The following CAMTA1 variants were observed in gnomAD, a reference collection of about 807,000 sequenced individuals.
CAMTA1 encodes the protein calmodulin binding transcription activator 1.
A neutral mutation model predicts 170.9 loss-of-function variants in CAMTA1; 27 were observed. That is an observed-to-expected ratio of 0.16 (90% CI 0.12 to 0.22). The LOEUF (loss-of-function observed/expected upper bound fraction) is 0.22. Ranked by LOEUF, CAMTA1 falls within the 10% of genes least tolerant of loss-of-function variation. The pLI, the probability that CAMTA1 is intolerant of heterozygous loss-of-function variation, is 1.00. For synonymous variants in CAMTA1, 833 were observed against 891.5 expected (o/e 0.93, Z 1.17); for missense variants, 1,619 against 2,217.2 (o/e 0.73, Z 5.42).
chr1:7,166,485 G>C (rs1425453412), intron 4 of CAMTA1, among the ~76,000 whole-genome samples: 2 of 152,188 alleles, frequency 1.3e-5, no homozygotes, highest in Non-Finnish European at 2.9e-5. Flanking sequence ...AACTACAAGT[G>C]GAGTGTGTGA....
intron 6 of CAMTA1, among the ~76,000 whole-genome samples, chr1:7,495,083 G>A (rs897065528): frequency 6.6e-6 from 1 of 152,118 alleles, no homozygotes; most frequent in Non-Finnish European, 1.5e-5. Flanking sequence ...TGCCCCCGTC[G>A]TTTAAATCCT....
intron 5 of CAMTA1, among the ~76,000 whole-genome samples, chr1:7,434,139 CTT>C (rs925323748): frequency 6.6e-6 from 1 of 152,158 alleles, no homozygotes; most frequent in African/African-American, 2.4e-5. Flanking sequence ...AGCTCTCTCT[CTT>C]TTACTTTCCA....
chr1:7,111,910 A>AAC lies in CAMTA1; in HGVS notation c.302+20540_302+20541insCA, dbSNP rs1440644564. ...CAAAAAAAAAAAAAAAAAAAAAAAAAAACCGAAGACTGAACTCCCAGGGCT... is the reference window on the plus strand; with the variant it reads ...CAAAAAAAAAAAAAAAAAAAAAAAAAACAACCGAAGACTGAACTCCCAGGGCT... On this transcript the variant is annotated intron_variant, in intron 4 of 22. Coordinates refer to ENST00000303635, the MANE Select transcript of CAMTA1 (RefSeq NM_015215.4). Among the ~76,000 whole-genome samples, 81 of 151,398 alleles carry AAC rather than the reference A, an allele frequency of 5.4e-4. 2 individuals carry two copies. The highest frequency in any genetic ancestry group is 1.9e-3 in the African/African-American group (80 of 41,124).
At chr1:7,536,732 G>A (rs968422608) in intron 6 of CAMTA1, among the ~76,000 whole-genome samples, 1 of 152,284 alleles carries the variant, frequency 6.6e-6, no homozygotes, top group Non-Finnish European at 1.5e-5. Flanking sequence ...CAGGCGCGAC[G>A]CTCATTTAAA....
intron 3 of CAMTA1, among the ~76,000 whole-genome samples, chr1:6,863,247 C>T (rs879741816): frequency 2.0e-5 from 3 of 152,118 alleles, no homozygotes; most frequent in Admixed American, 6.6e-5. Context: ...CTGTAGTCAC[C>T]GTGCTGTACA....
At chr1:7,574,170 G>C (rs1038361281) in intron 6 of CAMTA1, among the ~76,000 whole-genome samples, 1 of 124,146 alleles carries the variant, frequency 8.1e-6, no homozygotes, top group South Asian at 2.3e-4. Context: ...CATGTGGGCC[G>C]TGCAGGGAGT....
intron 11 of CAMTA1, among the ~76,000 whole-genome samples, chr1:7,705,641 G>A (rs1183290211): frequency 3.3e-5 from 5 of 152,032 alleles, no homozygotes; most frequent in Non-Finnish European, 7.4e-5. Flanking sequence ...TCCTTCCCGC[G>A]GCGGGGCCCG....
intron 3 of CAMTA1, among the ~76,000 whole-genome samples, chr1:7,035,400 CAAA>C (rs34384173): frequency 0.016 from 2,187 of 140,004 alleles, 63 homozygotes; most frequent in African/African-American, 0.053. Flanking sequence ...AACTCGGTCT[CAAA>C]AAAAAAAAAA....
intron 3 of CAMTA1, among the ~76,000 whole-genome samples, chr1:6,888,629 A>G (rs1337077652): frequency 6.6e-6 from 1 of 152,256 alleles, no homozygotes; most frequent in Admixed American, 6.5e-5. Context: ...AATATTTTCT[A>G]GATCAAGTAG....
intron 4 of CAMTA1, among the ~76,000 whole-genome samples, chr1:7,170,335 A>C (rs942165123): frequency 4.7e-5 from 7 of 149,120 alleles, no homozygotes; most frequent in African/African-American, 1.5e-4. Flanking sequence ...TCTGGGATTC[A>C]TGTGCAGAAT....
Position 7,018,121 on chromosome 1 carries a change from G to A in CAMTA1, c.235-73183G>A, listed in dbSNP as rs558144917. The stretch of plus-strand genomic sequence containing the variant: ...TGGGACCACAGGTGTGCGGCACCAC[G>A]CCTGGCTAATGCCAGGGCTTTTTAA... On this transcript the variant is annotated intron_variant, in intron 3 of 22. Transcript: ENST00000303635. Among the ~76,000 whole-genome samples, 5 of 91,734 alleles carry A rather than the reference G, an allele frequency of 5.5e-5. No individual in the cohort carries two copies. In the South Asian group the frequency reaches 1.5e-3, roughly 27 times the overall value. The allele number at this position is 91,734 out of a possible 152,430, so 60.2% of individuals were successfully genotyped here.
At chr1:7,282,202 T>C (rs556206028) in intron 5 of CAMTA1, among the ~76,000 whole-genome samples, 4 of 152,160 alleles carry the variant, frequency 2.6e-5, no homozygotes, top group Admixed American at 6.5e-5. Flanking sequence ...CAAATGGCAA[T>C]TGTCGAAGCA....
chr1:7,288,594 G>A (rs1672670293), intron 5 of CAMTA1, among the ~76,000 whole-genome samples: 1 of 152,200 alleles, frequency 6.6e-6, no homozygotes, highest in African/African-American at 2.4e-5. Flanking sequence ...CTGGATGCAG[G>A]AAAACCAAGG....
chr1:6,957,702 G>A (rs1689687891), intron 3 of CAMTA1, among the ~76,000 whole-genome samples: 1 of 151,004 alleles, frequency 6.6e-6, no homozygotes, highest in Admixed American at 6.6e-5. Flanking sequence ...TTTCCATCTC[G>A]AGATCAGCTG....
chr1:7,607,749 C>G (rs1174954041), intron 6 of CAMTA1, among the ~76,000 whole-genome samples: 1 of 152,098 alleles, frequency 6.6e-6, no homozygotes, highest in African/African-American at 2.4e-5. Context: ...AATCTTTCCT[C>G]AAATCTTTGA....
rs753946969 is a variant in CAMTA1, at chr1:7,732,523, A to C, written c.2990A>C (p.Gln997Pro). ...AGGATGGCCGAGATGACGGGGTCCCAGCAGCACAAACAGGCGAGCGGAGGC... is the reference window on the plus strand; with the variant it reads ...AGGATGGCCGAGATGACGGGGTCCCCGCAGCACAAACAGGCGAGCGGAGGC... ...ERRMAEMTGS[Q>P]QHKQASGGGS... is the part of the protein sequence containing the mutation. Residue 997 changes from glutamine to proline, a missense_variant, in exon 12 of 23, where the codon CAG becomes CCG. Coordinates refer to ENST00000303635, the MANE Select transcript of CAMTA1 (RefSeq NM_015215.4). This position sits in a 1 kb window ranked among gnomAD's most constrained non-coding sequence, Gnocchi z 4.1. 2 of 1,613,914 alleles carry C rather than the reference A, an allele frequency of 1.2e-6. No individual in the cohort carries two copies. Among genetic ancestry groups the C allele is most frequent in the Non-Finnish European group, 1.7e-6 (2 of 1,180,010 alleles).
At chr1:6,787,983 T>G (rs1639903534) in intron 1 of CAMTA1, among the ~76,000 whole-genome samples, 1 of 152,222 alleles carries the variant, frequency 6.6e-6, no homozygotes, top group African/African-American at 2.4e-5. Context: ...GTCCCTTTTG[T>G]ATTTTGGCCA....
rs183033181 is a variant in CAMTA1 at position 7,001,021 on chromosome 1, A to G, written c.235-90283A>G. On this transcript the variant is annotated intron_variant, in intron 3 of 22. Coordinates refer to ENST00000303635, the MANE Select transcript of CAMTA1 (RefSeq NM_015215.4). ...ACCCTTTCTTTCAGTTGTCACTTAC[A>G]TATTTATAATTGTCGTTATATTTTT... 3.1e-3 allele frequency among the ~76,000 whole-genome samples: 476 copies of G among 152,306 alleles called. 4 individuals are homozygous for G. The highest frequency in any genetic ancestry group is 0.011 in the African/African-American group (452 of 41,558).
intron 3 of CAMTA1, among the ~76,000 whole-genome samples, chr1:6,950,089 G>A (rs1039383273): frequency 6.6e-6 from 1 of 152,234 alleles, no homozygotes; most frequent in Admixed American, 6.5e-5. Context: ...CTGGCCCTTA[G>A]TTCAGCCTCT....
Sources: allele counts gnomAD v4.1 joint callset (sites outside exome capture counted in the v4.1 genomes callset), GRCh38; gene constraint gnomAD v4.1.1; non-coding constraint Gnocchi (gnomAD v3.1); transcripts MANE v1.5; gene names NCBI Gene and HGNC (gene_info 2026-07-23, HGNC 2026-07-21).